Variants in DDX4 observed in about 807,000 individuals in gnomAD.
DDX4 encodes the protein probable ATP-dependent RNA helicase DDX4.
Under a neutral mutation model 100.0 loss-of-function variants are expected in DDX4, and 25 were observed. That is an observed-to-expected ratio of 0.25 (90% confidence interval 0.18 to 0.35). The LOEUF is 0.35. DDX4 is among the 10% of genes least tolerant of loss of function. DDX4 has a pLI of 1.00. For missense variants in DDX4, 635 were observed against 882.4 expected (o/e 0.72, Z 3.55); for synonymous variants, 259 against 275.7 (o/e 0.94, Z 0.60).
intron 7 of DDX4, among the ~76,000 whole-genome samples, chr5:55,776,071 G>A (rs1353721883): frequency 1.3e-5 from 2 of 152,156 alleles, no homozygotes; most frequent in Non-Finnish European, 2.9e-5. Flanking sequence ...AGTGAGCTGA[G>A]ATGGCGCCAC....
At chr5:55,812,550 G>A (rs1041341176) in intron 18 of DDX4, among the ~76,000 whole-genome samples, 4 of 136,500 alleles carry the variant, frequency 2.9e-5, no homozygotes, top group Non-Finnish European at 6.7e-5. Context: ...CCGAGATTGC[G>A]CCACTGCACT....
chr5:55,806,136 T>C (rs1446239334), intron 18 of DDX4, among the ~76,000 whole-genome samples: 1 of 152,234 alleles, frequency 6.6e-6, no homozygotes, highest in Non-Finnish European at 1.5e-5. Flanking sequence ...CATTCTCTGA[T>C]GGTAGTTTGT....
chr5:55,788,329 G>T (rs985816197), intron 15 of DDX4, among the ~76,000 whole-genome samples: 3 of 151,894 alleles, frequency 2.0e-5, no homozygotes, highest in African/African-American at 7.3e-5. Context: ...AAAATAACTA[G>T]CCAGCATGTG....
chr5:55,775,499 A>G (rs1200997294), intron 7 of DDX4, among the ~76,000 whole-genome samples: 1 of 152,200 alleles, frequency 6.6e-6, no homozygotes, highest in African/African-American at 2.4e-5. Flanking sequence ...TAATTCTGAC[A>G]GTTCTTGCCC....
At chr5:55,799,403 C>A (rs1240747888) in intron 18 of DDX4, among the ~76,000 whole-genome samples, 1 of 152,036 alleles carries the variant, frequency 6.6e-6, no homozygotes, top group East Asian at 1.9e-4. Context: ...TGAGACGGGG[C>A]CTTGCTTTAT....
Position 55,816,668 on chromosome 5 carries a change from C to A in DDX4, c.*128C>A. Reference sequence around the variant, plus strand: ...CTGTCCTTGTATTCTCACTCCTACACTTAAAAAAAAAATCCTTACTGACTA... The same window carrying A: ...CTGTCCTTGTATTCTCACTCCTACAATTAAAAAAAAAATCCTTACTGACTA... On this transcript the variant is annotated 3_prime_UTR_variant, in exon 22 of 22. Coordinates refer to ENST00000505374, the MANE Select transcript of DDX4 (RefSeq NM_024415.3). The A allele has an allele frequency of 3.5e-6, 5 of 1,428,648 alleles. No homozygotes were observed. Among genetic ancestry groups the A allele is most frequent in the Middle Eastern group, 2.2e-4 (1 of 4,648 alleles). 88.5% of individuals were successfully genotyped at this position (1,428,648 alleles called of 1,614,324 possible). A position where few individuals can be genotyped will look rare whatever the true frequency, so the allele number is the denominator to read the frequency against.
intron 3 of DDX4, among the ~76,000 whole-genome samples, chr5:55,751,334 A>G (rs1002446381): frequency 1.3e-5 from 2 of 152,184 alleles, no homozygotes; most frequent in African/African-American, 4.8e-5. Flanking sequence ...CCCAGGCTCA[A>G]GCAATCCTCC....
intron 7 of DDX4, among the ~76,000 whole-genome samples, chr5:55,778,893 C>CAAAAAA (rs35427276): frequency 6.8e-6 from 1 of 147,306 alleles, no homozygotes. Flanking sequence ...GACTTCGCCT[C>CAAAAAA]AAAAAAAAAA....
intron 2 of DDX4, among the ~76,000 whole-genome samples, chr5:55,741,132 A>C (rs1758957827): frequency 6.6e-6 from 1 of 151,890 alleles, no homozygotes; most frequent in Admixed American, 6.6e-5. Flanking sequence ...TTAGTTTGAG[A>C]TTTTTGTCTT....
At chr5:55,787,705 A>G (rs1158294712) in intron 14 of DDX4, 141 bp from the exon 15 acceptor site, 1 of 881,396 alleles carries the variant, frequency 1.1e-6, no homozygotes, top group Non-Finnish European at 1.6e-6. Context: ...CCTTGAAATG[A>G]AAGTTGTTTT....
At chr5:55,791,471 T>C (rs1402434194) in intron 16 of DDX4, among the ~76,000 whole-genome samples, 1 of 152,184 alleles carries the variant, frequency 6.6e-6, no homozygotes, top group Non-Finnish European at 1.5e-5. Flanking sequence ...TTTGCAAGTG[T>C]GTTCTTCTGT....
rs777137069 is a variant in DDX4 at position 55,785,752 on chromosome 5, C to G, written c.745C>G (p.Pro249Ala). ...TQGPKVTYIP[P>A]PPPEDEDSIF... ...AGGACCAAAAGTGACCTACATACCC[C>G]CTCCTCCACCTGAGGATGAGGACTC... Residue 249 changes from proline (P) to alanine (A), a missense_variant, in exon 13 of 22, where the codon CCT becomes GCT. Coordinates refer to ENST00000505374, the MANE Select transcript of DDX4 (RefSeq NM_024415.3). The G allele has an allele frequency of 6.2e-7, 1 of 1,611,640 alleles. No homozygotes were observed. The highest frequency in any genetic ancestry group is 8.5e-7 in the Non-Finnish European group (1 of 1,177,978).
intron 18 of DDX4, among the ~76,000 whole-genome samples, chr5:55,810,212 C>T (rs1336961572): frequency 6.6e-6 from 1 of 152,028 alleles, no homozygotes; most frequent in Non-Finnish European, 1.5e-5. Flanking sequence ...TCAAGCGATT[C>T]TCCTCCCTCA....
chr5:55,793,023 AGTGTGTGTGTGTGTGT>A (rs10551567), intron 17 of DDX4, among the ~76,000 whole-genome samples: 2 of 144,664 alleles, frequency 1.4e-5, no homozygotes, highest in African/African-American at 5.1e-5. Context: ...TTATTTAAAA[AGTGTGTGTGTGTGTGT>A]GTGTGTGTGT....
At chr5:55,776,072 A>G (rs1355479406) in intron 7 of DDX4, among the ~76,000 whole-genome samples, 1 of 152,176 alleles carries the variant, frequency 6.6e-6, no homozygotes, top group Non-Finnish European at 1.5e-5. Flanking sequence ...GTGAGCTGAG[A>G]TGGCGCCACT....
rs373779817 is a variant in DDX4 at position 55,812,336 on chromosome 5, C to T, written c.1616-1337C>T. On this transcript the variant is annotated intron_variant, in intron 18 of 21. Transcript: ENST00000505374. ...CAGCACTTTGGGAGGCCGAGGCGGG[C>T]GGATCACGAGGTTAGGAGATTGAGA... 5.1e-4 allele frequency among the ~76,000 whole-genome samples: 78 copies of T among 152,128 alleles called. 1 individual carries two copies. The Middle Eastern group carries it at 0.014, about 27-fold the overall frequency.
intron 3 of DDX4, among the ~76,000 whole-genome samples, chr5:55,749,879 G>A (rs145115982): frequency 6.8e-5 from 10 of 147,064 alleles, no homozygotes; most frequent in Admixed American, 2.1e-4. Context: ...GAAAGGCCAC[G>A]AAAGTTAACT....
chr5:55,780,217 C>A, intron 8 of DDX4, 152 bp downstream of exon 8: 1 of 1,277,536 alleles, frequency 7.8e-7, no homozygotes, highest in Non-Finnish European at 1.0e-6. Context: ...TTGTATATAA[C>A]ATTATTTTTT....
intron 3 of DDX4, among the ~76,000 whole-genome samples, chr5:55,755,956 C>T (rs1759904636): frequency 1.3e-5 from 2 of 152,214 alleles, no homozygotes; most frequent in Non-Finnish European, 2.9e-5. Context: ...CAGCATAGAT[C>T]AGTTTTCCCT....
Sources: gnomAD v4.1 joint callset for allele counts (sites outside exome capture counted in the v4.1 genomes callset) on GRCh38, gnomAD v4.1.1 for gene constraint, MANE v1.5 for transcripts, NCBI Gene and HGNC (gene_info 2026-07-23, HGNC 2026-07-21) for gene names.